Variants in MCPH1 observed in about 807,000 individuals in gnomAD.
MCPH1 encodes the protein microcephalin.
In MCPH1, 104 loss-of-function variants were observed where a neutral mutation model predicts 84.5. That is an observed-to-expected ratio of 1.23 (90% CI 1.05 to 1.45). The LOEUF is 1.45. Among genes scored for constraint, MCPH1 ranks in the 40% most tolerant of loss-of-function variants. MCPH1 has a pLI of 0.00. For missense variants in MCPH1, 1,498 were observed against 1,005.7 expected (o/e 1.49, Z -6.62); for synonymous variants, 514 against 366.8 (o/e 1.40, Z -4.58).
intron 9 of MCPH1, chr8:6,474,156 T>A (rs1284675325): frequency 1.3e-6 from 1 of 750,438 alleles, no homozygotes; most frequent in Non-Finnish European, 2.5e-6. Flanking sequence ...CATTCTCTCA[T>A]TTGGTTATCT....
chr8:6,593,960 A>C (rs1010290329), intron 12 of MCPH1, among the ~76,000 whole-genome samples: 3 of 152,222 alleles, frequency 2.0e-5, no homozygotes, highest in African/African-American at 7.2e-5. Context: ...AAGCATGGAT[A>C]GAAGGCTGGT....
chr8:6,540,102 G>A (rs563488875), intron 12 of MCPH1, among the ~76,000 whole-genome samples: 23 of 152,204 alleles, frequency 1.5e-4, no homozygotes, highest in Non-Finnish European at 2.6e-4. Context: ...AGTAATTTGA[G>A]TGTACCAGAA....
intron 12 of MCPH1, chr8:6,621,046 G>T: frequency 6.7e-6 from 2 of 297,384 alleles, no homozygotes; most frequent in South Asian, 3.3e-5. Flanking sequence ...ATTGAATGAC[G>T]CTCTCCCAGC....
chr8:6,524,501 C>A (rs781489613), intron 12 of MCPH1, among the ~76,000 whole-genome samples: 1 of 152,134 alleles, frequency 6.6e-6, no homozygotes, highest in Non-Finnish European at 1.5e-5. Context: ...TCCTAGGAAC[C>A]GAAAGCATGT....
At chr8:6,527,673 A>G (rs773736929) in intron 12 of MCPH1, 6 of 1,611,572 alleles carry the variant, frequency 3.7e-6, no homozygotes, top group Admixed American at 3.3e-5. Flanking sequence ...GTCTGATTTA[A>G]TACCTAAATG....
intron 12 of MCPH1, among the ~76,000 whole-genome samples, chr8:6,575,194 C>G (rs1250249240): frequency 3.3e-5 from 5 of 152,196 alleles, no homozygotes; most frequent in Non-Finnish European, 7.3e-5. Context: ...AGCAGGAAGA[C>G]CTATTTTCCT....
intron 12 of MCPH1, among the ~76,000 whole-genome samples, chr8:6,610,545 C>A (rs1830171656): frequency 1.3e-5 from 2 of 152,188 alleles, no homozygotes; most frequent in Non-Finnish European, 2.9e-5. Flanking sequence ...TCTGCAGTGA[C>A]AAAATTGCCC....
At chr8:6,543,496 G>C (rs7841269) in intron 12 of MCPH1, among the ~76,000 whole-genome samples, 32,368 of 151,938 alleles carry the variant, frequency 0.21, 3,529 homozygotes, top group Non-Finnish European at 0.24. Flanking sequence ...ATGTGCGTGG[G>C]TCGTGGGGAG....
At chr8:6,606,811 T>C (rs1829813039) in intron 12 of MCPH1, among the ~76,000 whole-genome samples, 1 of 152,200 alleles carries the variant, frequency 6.6e-6, no homozygotes, top group African/African-American at 2.4e-5. Flanking sequence ...GTTCTCGTGA[T>C]AGTGAATAAG....
At chr8:6,484,331 A>G (rs1177452163) in intron 11 of MCPH1, among the ~76,000 whole-genome samples, 1 of 152,262 alleles carries the variant, frequency 6.6e-6, no homozygotes, top group Non-Finnish European at 1.5e-5. Context: ...TGCTCACTTC[A>G]GAAATATAGT....
intron 3 of MCPH1, among the ~76,000 whole-genome samples, chr8:6,419,084 A>C (rs1182858876): frequency 6.6e-6 from 1 of 150,420 alleles, no homozygotes; most frequent in Non-Finnish European, 1.5e-5. Flanking sequence ...GCTATCTTTT[A>C]TTTCAGTCAA....
chr8:6,564,343 A>G (rs939005339), intron 12 of MCPH1, among the ~76,000 whole-genome samples: 2 of 152,146 alleles, frequency 1.3e-5, no homozygotes, highest in Non-Finnish European at 2.9e-5. Flanking sequence ...TATCAATTAC[A>G]TTAGTCCCCC....
In MCPH1 at chr8:6,646,314, T is replaced by G. The variant is rs778702527; in HGVS notation, c.*3265T>G. On this transcript the variant is annotated 3_prime_UTR_variant, in exon 14 of 14. Transcript: ENST00000344683. The stretch of plus-strand genomic sequence containing the variant: ...GATGGCACACACCTGTAATCTCAGT[T>G]ACTCAGGAGGCTGAAGCAGAATAGC... The G allele has an allele frequency of 5.9e-5, 9 of 152,184 alleles. No homozygotes were observed. The highest frequency in any genetic ancestry group is 1.3e-4 in the Non-Finnish European group (9 of 68,044). The allele number at this position is 152,184 out of a possible 1,614,324, so 9.4% of individuals were successfully genotyped here.
At chr8:6,470,112 T>C (rs1348950350) in intron 9 of MCPH1, among the ~76,000 whole-genome samples, 2 of 152,200 alleles carry the variant, frequency 1.3e-5, no homozygotes, top group African/African-American at 4.8e-5. Flanking sequence ...CTGTAGTAGA[T>C]ACCTTGACAT....
At position 6,646,904 on chromosome 8, in the gene MCPH1, G is replaced by C. The variant is rs1037408414; in HGVS notation, c.*3855G>C. On this transcript the variant is annotated 3_prime_UTR_variant, in exon 14 of 14. Coordinates refer to ENST00000344683, the MANE Select transcript of MCPH1 (RefSeq NM_024596.5). ...TCATTCTGACCTCAGGTTAGGCAAA[G>C]CTTTCTTAGATATGACACTAAAGGC... 4 of 152,078 alleles carry C rather than the reference G, an allele frequency of 2.6e-5. No individual in the cohort carries two copies. The highest frequency in any genetic ancestry group is 9.7e-5 in the African/African-American group (4 of 41,410). 9.4% of individuals were successfully genotyped at this position (152,078 alleles called of 1,614,324 possible).
At chr8:6,621,317 A>T (rs896055265) in intron 12 of MCPH1, 137 bp from the exon 13 acceptor site, 45 of 1,140,244 alleles carry the variant, frequency 3.9e-5, no homozygotes, top group Non-Finnish European at 5.8e-5. Context: ...CTCAGAATTC[A>T]AAATTCACAG....
At chr8:6,514,626 C>T in intron 12 of MCPH1, 1 of 1,514,322 alleles carries the variant, frequency 6.6e-7, no homozygotes, top group South Asian at 1.1e-5. Flanking sequence ...ATCTTGAAAG[C>T]TATTTTTCAC....
chr8:6,509,842 C>T (rs1814608677), intron 12 of MCPH1, among the ~76,000 whole-genome samples: 2 of 152,194 alleles, frequency 1.3e-5, no homozygotes, highest in South Asian at 2.1e-4. Flanking sequence ...AGCCATTTGG[C>T]AACACGGTGC....
At chr8:6,409,569 G>A (rs1798253154) in intron 2 of MCPH1, among the ~76,000 whole-genome samples, 199 bp downstream of exon 2, 1 of 152,178 alleles carries the variant, frequency 6.6e-6, no homozygotes, top group African/African-American at 2.4e-5. Flanking sequence ...GGCATTGAGT[G>A]AGGAGGAGGA....
Sources: gnomAD v4.1 joint callset for allele counts (sites outside exome capture counted in the v4.1 genomes callset) on GRCh38, gnomAD v4.1.1 for gene constraint, MANE v1.5 for transcripts, NCBI Gene and HGNC (gene_info 2026-07-23, HGNC 2026-07-21) for gene names.